ADK: variants seen among roughly 807,000 people sequenced by gnomAD.
ADK encodes adenosine kinase.
In ADK, 24 loss-of-function variants were observed where a neutral mutation model predicts 44.7. That is an observed-to-expected ratio of 0.54 (90% CI 0.39 to 0.76). The LOEUF is 0.76. ADK is among the 30% of genes least tolerant of loss of function. ADK has a pLI of 0.00. For synonymous variants in ADK, 128 were observed against 142.6 expected, an observed-to-expected ratio of 0.90 and a Z score of 0.73; for missense variants, 321 against 425.1, an observed-to-expected ratio of 0.76 and a Z score of 2.15.
chr10:74,516,657 G>A (rs2133562867), intron 6 of ADK: 1 of 152,246 alleles, frequency 6.6e-6, no homozygotes, highest in East Asian at 1.9e-4. Context: ...CCAAGTAGCT[G>A]GGACTACAGG....
At chr10:74,398,382 A>G in intron 5 of ADK, 89 bp from the exon 6 acceptor site, 1 of 748,384 alleles carries the variant, frequency 1.3e-6, no homozygotes, top group Non-Finnish European at 2.2e-6. Flanking sequence ...TGTAAATTTT[A>G]AACTTTGCAA....
chr10:74,467,734 A>G (rs1846414800), intron 6 of ADK, among the ~76,000 whole-genome samples: 1 of 152,132 alleles, frequency 6.6e-6, no homozygotes, highest in Non-Finnish European at 1.5e-5. Context: ...AAAATTCATA[A>G]GGAAAATATT....
chr10:74,699,334 T>C lies in ADK; in HGVS notation c.965-8987T>C, dbSNP rs944433742. ...ATATTGTTATTGTTGGTTTTTTTTT[T>C]CGAAAAACACTTTATTGGAATAATA... On this transcript the variant is annotated intron_variant, in intron 10 of 10. Transcript: ENST00000539909. 1.2e-4 allele frequency among the ~76,000 whole-genome samples: 18 copies of C among 152,062 alleles called. No individual in the cohort carries two copies. The South Asian group carries it at 2.9e-3, about 25-fold the overall frequency.
intron 10 of ADK, among the ~76,000 whole-genome samples, chr10:74,688,691 A>G (rs1463464036): frequency 6.6e-6 from 1 of 152,064 alleles, no homozygotes; most frequent in African/African-American, 2.4e-5. Context: ...GAGGTGAGAC[A>G]ATAAACTGAG....
At chr10:74,535,335 C>A (rs1849412719) in intron 7 of ADK, among the ~76,000 whole-genome samples, 1 of 152,106 alleles carries the variant, frequency 6.6e-6, no homozygotes, top group Non-Finnish European at 1.5e-5. Context: ...TGGTGGCACA[C>A]ACTTGTATTC....
At chr10:74,170,913 T>G (rs1401448982) in intron 1 of ADK, among the ~76,000 whole-genome samples, 1 of 151,812 alleles carries the variant, frequency 6.6e-6, no homozygotes, top group African/African-American at 2.4e-5. Context: ...TAAAGTAAAA[T>G]TATGCATAAT....
At chr10:74,670,071 C>A in intron 9 of ADK, 112 bp from the exon 10 acceptor site, 1 of 849,044 alleles carries the variant, frequency 1.2e-6, no homozygotes, top group Non-Finnish European at 2.0e-6. Context: ...GAGCTTATGT[C>A]CTGTCTCTCT....
At chr10:74,368,070 G>A (rs1842548551) in intron 4 of ADK, among the ~76,000 whole-genome samples, 2 of 152,150 alleles carry the variant, frequency 1.3e-5, no homozygotes, top group Admixed American at 6.6e-5. Context: ...TATTGGCATT[G>A]GTTGACCAAG....
At chr10:74,274,939 C>T (rs183250919) in intron 3 of ADK, among the ~76,000 whole-genome samples, 4 of 151,392 alleles carry the variant, frequency 2.6e-5, no homozygotes, top group African/African-American at 7.3e-5. Context: ...GAGTGCAGTA[C>T]AGAAGCTTAT....
At chr10:74,288,705 A>G (rs1270031937) in intron 3 of ADK, among the ~76,000 whole-genome samples, 2 of 152,196 alleles carry the variant, frequency 1.3e-5, no homozygotes, top group Non-Finnish European at 2.9e-5. Context: ...AAAAAGTCTT[A>G]TTACGTTTTT....
chr10:74,671,038 T>TAAAAAAAAAAAAAAAA (rs10670267), intron 10 of ADK, among the ~76,000 whole-genome samples: 1 of 99,110 alleles, frequency 1.0e-5, no homozygotes, highest in Non-Finnish European at 1.9e-5. Context: ...CAGGTTAATT[T>TAAAAAAAAAAAAAAAA]AAAAAAAAAA....
intron 9 of ADK, among the ~76,000 whole-genome samples, chr10:74,648,436 T>C (rs944426281): frequency 2.6e-5 from 4 of 152,094 alleles, no homozygotes; most frequent in Non-Finnish European, 4.4e-5. Flanking sequence ...TCCCAGCACT[T>C]TGGGAGGCCA....
intron 6 of ADK, among the ~76,000 whole-genome samples, chr10:74,410,333 T>C (rs1844125334): frequency 6.6e-6 from 1 of 152,166 alleles, no homozygotes; most frequent in African/African-American, 2.4e-5. Flanking sequence ...AGTTGTTTTG[T>C]AATGGTAACC....
chr10:74,445,447 A>G (rs1264808087), intron 6 of ADK, among the ~76,000 whole-genome samples: 1 of 152,012 alleles, frequency 6.6e-6, no homozygotes, highest in African/African-American at 2.4e-5. Context: ...TATTAATAGT[A>G]ATTCCTACAT....
intron 4 of ADK, among the ~76,000 whole-genome samples, chr10:74,348,121 T>C (rs1207105724): frequency 6.6e-6 from 1 of 152,126 alleles, no homozygotes; most frequent in African/African-American, 2.4e-5. Flanking sequence ...TTGAGGAGAC[T>C]CCGTGCCTTC....
chr10:74,472,396 C>A (rs1477128163), intron 6 of ADK, among the ~76,000 whole-genome samples: 2 of 151,894 alleles, frequency 1.3e-5, no homozygotes, highest in Non-Finnish European at 2.9e-5. Flanking sequence ...AATAGTTTTT[C>A]TGCATCAATA....
intron 7 of ADK, chr10:74,528,028 G>C: frequency 1.2e-6 from 1 of 869,522 alleles, no homozygotes; most frequent in East Asian, 2.4e-5. Flanking sequence ...ATTTGTATTC[G>C]GCAATAAAAC....
At chr10:74,642,178 T>C (rs1853873329) in intron 9 of ADK, among the ~76,000 whole-genome samples, 1 of 152,182 alleles carries the variant, frequency 6.6e-6, no homozygotes, top group African/African-American at 2.4e-5. Context: ...AATATTTTTG[T>C]TTGGAATATA....
intron 8 of ADK, among the ~76,000 whole-genome samples, chr10:74,598,514 A>T (rs1012356131): frequency 2.4e-5 from 3 of 124,746 alleles, no homozygotes; most frequent in Non-Finnish European, 4.7e-5. Flanking sequence ...CAGTGGCATG[A>T]TCTCTGCACA....
Sources: gnomAD v4.1 joint callset for allele counts (sites outside exome capture counted in the v4.1 genomes callset) on GRCh38, gnomAD v4.1.1 for gene constraint, MANE v1.5 for transcripts, NCBI Gene and HGNC (gene_info 2026-07-23, HGNC 2026-07-21) for gene names.